The following FKTN variants were observed in gnomAD, a reference collection of about 807,000 sequenced individuals.
The protein encoded by FKTN is fukutin.
FKTN carries 47 observed loss-of-function variants against 58.6 expected under a neutral mutation model. The ratio of observed to expected loss-of-function variants is 0.80; its 90% CI spans 0.63 to 1.02. The LOEUF (loss-of-function observed/expected upper bound fraction) is 1.02. Ranked by LOEUF, FKTN falls within the 50% of genes least tolerant of loss-of-function variation. The pLI is 0.00. For synonymous variants in FKTN, 178 were observed against 191.9 expected (o/e 0.93, Z 0.60); for missense variants, 516 against 537.3 (o/e 0.96, Z 0.39).
intron 10 of FKTN, among the ~76,000 whole-genome samples, chr9:105,627,510 G>C (rs1328494030): frequency 6.6e-6 from 1 of 152,064 alleles, no homozygotes; most frequent in Non-Finnish European, 1.5e-5. Flanking sequence ...TTCTACCAAT[G>C]TGCTTTTTCT....
At chr9:105,568,465 A>G (rs1840110446) in intron 1 of FKTN, among the ~76,000 whole-genome samples, 2 of 152,352 alleles carry the variant, frequency 1.3e-5, no homozygotes, top group South Asian at 4.1e-4. Flanking sequence ...AACCCCATCA[A>G]CAAGTGGGCA....
chr9:105,562,929 T>A lies in FKTN; in HGVS notation c.-181+4764T>A, dbSNP rs532547249. ...TCACATATCATCTTATGAACCTAAG[T>A]TAGGTGTCAGGGAAGGTTTTTGATT... On this transcript the variant is annotated intron_variant, in intron 1 of 10. Coordinates refer to ENST00000357998, the MANE Select transcript of FKTN (RefSeq NM_001079802.2). Among the ~76,000 whole-genome samples the A allele has an allele frequency of 2.6e-5, 4 of 152,196 alleles. No individual in the cohort carries two copies. The South Asian group carries it at 6.2e-4, about 24-fold the overall frequency.
intron 7 of FKTN, among the ~76,000 whole-genome samples, chr9:105,608,627 T>A (rs1214841984): frequency 1.3e-5 from 2 of 152,224 alleles, no homozygotes; most frequent in African/African-American, 4.8e-5. Flanking sequence ...GCCCTTTATT[T>A]TCTGGGGTTC....
chr9:105,568,909 A>C (rs938615011), intron 1 of FKTN, among the ~76,000 whole-genome samples: 1 of 152,194 alleles, frequency 6.6e-6, no homozygotes, highest in Non-Finnish European at 1.5e-5. Flanking sequence ...TCAGTGATAG[A>C]CCGGATTAAG....
In FKTN at chr9:105,615,392, A is replaced by G. The variant is rs367662190; in HGVS notation, c.895A>G (p.Ser299Gly). The change falls in exon 8 of 11, where the codon AGT (serine) becomes GGT (glycine). Residue 299 changes from serine (S) to glycine (G), a missense_variant. Physicochemically the swap from Ser to Gly is moderately conservative, Grantham distance 56. Coordinates refer to ENST00000357998, the MANE Select transcript of FKTN (RefSeq NM_001079802.2). ...ATTGGGAGTACCATTCTGGCTGAGC[A>G]GTGGAACTTGTCTAGGTAAAATTCT... ...NKLGVPFWLS[S>G]GTCLGWYRQC... The G allele has an allele frequency of 2.5e-6, 4 of 1,614,162 alleles. No homozygotes were observed. The South Asian group carries it at 4.4e-5, about 18-fold the overall frequency.
intron 5 of FKTN, among the ~76,000 whole-genome samples, chr9:105,602,393 C>T (rs759706046): frequency 1.8e-4 from 28 of 152,320 alleles, no homozygotes; most frequent in Non-Finnish European, 3.1e-4. Flanking sequence ...TCCCACTTGC[C>T]TTGAGAACCA....
At chr9:105,585,916 GA>G (rs1174189543) in intron 3 of FKTN, among the ~76,000 whole-genome samples, 2 of 152,150 alleles carry the variant, frequency 1.3e-5, no homozygotes, top group African/African-American at 4.8e-5. Context: ...GTAATTTTCA[GA>G]GACCCTTGAG....
At chr9:105,599,959 G>GTT (rs928036298) in intron 4 of FKTN, among the ~76,000 whole-genome samples, 1 of 146,688 alleles carries the variant, frequency 6.8e-6, no homozygotes, top group Admixed American at 6.8e-5. Context: ...TTTGAGGGCA[G>GTT]TTTTTTTTTT....
chr9:105,564,373 C>A (rs1466414693), intron 1 of FKTN, among the ~76,000 whole-genome samples: 1 of 152,108 alleles, frequency 6.6e-6, no homozygotes, highest in African/African-American at 2.4e-5. Flanking sequence ...AAGTTCAAAC[C>A]CAACACAAAG....
At chr9:105,633,693 T>G (rs1390787129) in intron 10 of FKTN, among the ~76,000 whole-genome samples, 1 of 152,224 alleles carries the variant, frequency 6.6e-6, no homozygotes, top group East Asian at 1.9e-4. Context: ...TTAACTGGGT[T>G]TGAGTAAAAG....
intron 10 of FKTN, among the ~76,000 whole-genome samples, chr9:105,627,213 C>T (rs1239263740): frequency 6.6e-6 from 1 of 152,152 alleles, no homozygotes; most frequent in Non-Finnish European, 1.5e-5. Context: ...CTCAAGTAAT[C>T]TGCCCTCCTC....
chr9:105,575,676 A>G (rs1019768420), intron 3 of FKTN, among the ~76,000 whole-genome samples: 2 of 152,198 alleles, frequency 1.3e-5, no homozygotes, highest in Non-Finnish European at 2.9e-5. Context: ...GTGTATTATA[A>G]TAATTACTAC....
intron 3 of FKTN, among the ~76,000 whole-genome samples, chr9:105,586,703 TA>T (rs1174413507): frequency 6.6e-6 from 1 of 152,240 alleles, no homozygotes; most frequent in Admixed American, 6.5e-5. Flanking sequence ...TAAATGGGTC[TA>T]ATGGCAACAT....
In FKTN at chr9:105,638,879, G is replaced by T; in HGVS notation, c.*3615G>T. 1 of 984,986 alleles carries T rather than the reference G, an allele frequency of 1.0e-6. No homozygotes were observed. The allele number at this position is 984,986 out of a possible 1,614,324, so 61.0% of individuals were successfully genotyped here. ...TTACACGACTACAGTACTTCAAATG[G>T]CACATAGATAGGCAGGATATTACAT... is the stretch of plus-strand genomic sequence containing the variant. On this transcript the variant is annotated 3_prime_UTR_variant, in exon 11 of 11. Transcript: ENST00000357998.
rs1380378250 is a variant in FKTN, at chr9:105,589,923, T to A, written c.106-6675T>A. Among the ~76,000 whole-genome samples, 3 of 152,040 alleles carry A rather than the reference T, an allele frequency of 2.0e-5. No homozygotes were observed. The East Asian group carries it at 5.8e-4, about 29-fold the overall frequency. On this transcript the variant is annotated intron_variant, in intron 3 of 10. Transcript: ENST00000357998. ...GTAGACAAATGAGTGATGGGGAGAA[T>A]AGTAGGTAAGGTTAGAGTTTCCTGT... is the stretch of plus-strand genomic sequence containing the variant.
At position 105,636,166 on chromosome 9, in the gene FKTN, A is replaced by G; in HGVS notation, c.*902A>G. On this transcript the variant is annotated 3_prime_UTR_variant, in exon 11 of 11. Transcript: ENST00000357998. ...TGTACATTTTATATTTTCTGAATTT[A>G]TAATCTGTGCACTCCCAATTTTAAT... 3.2e-6 allele frequency: 3 copies of G among 928,786 alleles called. No homozygotes were observed. Among genetic ancestry groups the G allele is most frequent in the South Asian group, 9.9e-5 (2 of 20,128 alleles). The allele number at this position is 928,786 out of a possible 1,614,324, so 57.5% of individuals were successfully genotyped here. A position where few individuals can be genotyped will look rare whatever the true frequency, so the allele number is the denominator to read the frequency against.
intron 1 of FKTN, among the ~76,000 whole-genome samples, chr9:105,564,350 G>A (rs1048825549): frequency 2.6e-5 from 4 of 152,194 alleles, no homozygotes; most frequent in African/African-American, 7.2e-5. Context: ...AAACTTCTCC[G>A]AGCTAAAGGA....
chr9:105,583,089 A>C (rs1391379805), intron 3 of FKTN, among the ~76,000 whole-genome samples: 1 of 152,182 alleles, frequency 6.6e-6, no homozygotes, highest in Non-Finnish European at 1.5e-5. Flanking sequence ...TACTATTGTT[A>C]TTTAGCTTTT....
chr9:105,635,510 T>C lies in FKTN; in HGVS notation c.*246T>C. ...ATGAGACAAATACCTACTTCTTTTA[T>C]TCCTCCTTTTGGTAAACAACTCAAT... On this transcript the variant is annotated 3_prime_UTR_variant, in exon 11 of 11. Transcript: ENST00000357998. The C allele has an allele frequency of 1.5e-6, 2 of 1,368,878 alleles. No individual in the cohort carries two copies. The highest frequency in any genetic ancestry group is 3.0e-5 in the East Asian group (1 of 33,644). The allele number at this position is 1,368,878 out of a possible 1,614,324, so 84.8% of individuals were successfully genotyped here. A position where few individuals can be genotyped will look rare whatever the true frequency, so the allele number is the denominator to read the frequency against.
Sources: gnomAD v4.1 joint callset for allele counts (sites outside exome capture counted in the v4.1 genomes callset) on GRCh38, gnomAD v4.1.1 for gene constraint, MANE v1.5 for transcripts, NCBI Gene and HGNC (gene_info 2026-07-23, HGNC 2026-07-21) for gene names.